Variants in AIFM2 observed in about 807,000 individuals in gnomAD.
The protein encoded by AIFM2 is ferroptosis suppressor protein 1.
AIFM2 carries 38 observed loss-of-function variants against 35.7 expected under a neutral mutation model. The observed-to-expected ratio is 1.06, with a 90% CI of 0.82 to 1.39. The LOEUF (loss-of-function observed/expected upper bound fraction) is 1.39, where lower values mean the gene tolerates loss of function less well. Among genes scored for constraint, AIFM2 ranks in the 40% most tolerant of loss-of-function variants. AIFM2 has a pLI of 0.00. For synonymous variants in AIFM2, 185 were observed against 203.5 expected (o/e 0.91, Z 0.77); for missense variants, 476 against 491.2 (o/e 0.97, Z 0.29).
chr10:70,129,704 A>AT (rs1408233119), intron 1 of AIFM2, among the ~76,000 whole-genome samples: 1 of 152,058 alleles, frequency 6.6e-6, no homozygotes, highest in South Asian at 2.1e-4. Context: ...TATTGTTTGA[A>AT]TTTTTTTCAA....
rs1005562268 is a variant in AIFM2 at position 70,131,461 on chromosome 10, G to T, written c.-14+1273C>A. On this transcript the variant is annotated intron_variant, in intron 1 of 8. Coordinates refer to ENST00000307864, the MANE Select transcript of AIFM2 (RefSeq NM_032797.6). This position sits in a 1 kb window ranked among gnomAD's most constrained non-coding sequence, Gnocchi z 4.1. ...CCCCAAAAGACCAGTTTCTGAAAAG[G>T]GACTCAAAGTCTAAGGGAGGCAGCC... Among the ~76,000 whole-genome samples, 1 of 152,174 alleles carries T rather than the reference G, an allele frequency of 6.6e-6. No individual in the cohort carries two copies. The highest frequency in any genetic ancestry group is 2.4e-5 in the African/African-American group (1 of 41,432).
chr10:70,115,226 C>G, intron 7 of AIFM2, 106 bp from the exon 8 acceptor site: 1 of 1,243,578 alleles, frequency 8.0e-7, no homozygotes, highest in Non-Finnish European at 1.1e-6. Context: ...AGGTGCTGGT[C>G]AGGTCACCCT....
chr10:70,124,152 G>A lies in AIFM2; in HGVS notation c.-13-55C>T, dbSNP rs367755338. ...GAGTCAGGGAGGCTGGGAGGGCTGG[G>A]AGGACCCACAGTGAGAGAGGCCTCG... On this transcript the variant is annotated intron_variant, in intron 1 of 8. Coordinates refer to ENST00000307864, the MANE Select transcript of AIFM2 (RefSeq NM_032797.6). 35 of 1,329,728 alleles carry A rather than the reference G, an allele frequency of 2.6e-5. 1 individual carries two copies. In the South Asian group the frequency reaches 5.7e-4, roughly 22 times the overall value. 82.4% of individuals were successfully genotyped at this position (1,329,728 alleles called of 1,614,324 possible).
chr10:70,120,642 C>T, intron 4 of AIFM2, 43 bp from the exon 5 acceptor site: 1 of 1,600,168 alleles, frequency 6.2e-7, no homozygotes, highest in Non-Finnish European at 8.6e-7. Context: ...TGAAACACAC[C>T]TACACATCCA....
At chr10:70,118,053 G>T in intron 5 of AIFM2, 133 bp from the exon 6 acceptor site, 1 of 666,918 alleles carries the variant, frequency 1.5e-6, no homozygotes, top group Non-Finnish European at 2.6e-6. Flanking sequence ...GAAGTAATCT[G>T]TCCAATGCCA....
Position 70,114,161 on chromosome 10 carries a change from C to G in AIFM2, c.*17G>C. 1.2e-6 allele frequency: 2 copies of G among 1,603,580 alleles called. No individual in the cohort carries two copies. Among genetic ancestry groups the G allele is most frequent in the Non-Finnish European group, 1.7e-6 (2 of 1,174,754 alleles). On this transcript the variant is annotated 3_prime_UTR_variant, in exon 9 of 9. Coordinates refer to ENST00000307864, the MANE Select transcript of AIFM2 (RefSeq NM_032797.6). ...TACGCCCACCTGCTGCGGTAGTTCTCCCGCCTGGCCTCTCCATCAAGGTGG... is the reference window on the plus strand; with the variant it reads ...TACGCCCACCTGCTGCGGTAGTTCTGCCGCCTGGCCTCTCCATCAAGGTGG...
At position 70,113,526 on chromosome 10, in the gene AIFM2, AAAAT is replaced by A. The variant is rs771238380; in HGVS notation, c.*648_*651del. On this transcript the variant is annotated 3_prime_UTR_variant, in exon 9 of 9. Transcript: ENST00000307864. ...TGGGTGACAGGGCGAGACTGTCTCAAAAATAAATAAACAAACAAACAAATAAAGT... is the reference window on the plus strand; with the variant it reads ...TGGGTGACAGGGCGAGACTGTCTCAAAAATAAACAAACAAACAAATAAAGT... The A allele has an allele frequency of 1.3e-5, 2 of 152,338 alleles. No homozygotes were observed. Among genetic ancestry groups the A allele is most frequent in the East Asian group, 1.9e-4 (1 of 5,204 alleles). 9.4% of individuals were successfully genotyped at this position (152,338 alleles called of 1,614,324 possible).
chr10:70,121,187 G>C lies in AIFM2; in HGVS notation c.319C>G (p.Leu107Val). ...GEALPFSHLI[L>V]ATGSTGPFPG... is the part of the protein sequence containing the mutation. Reference sequence around the variant, plus strand: ...AAGGGCCCAGTGCTGCCCGTGGCCAGGATAAGATGAGAGAAGGGCAGGGCC... The same window carrying C: ...AAGGGCCCAGTGCTGCCCGTGGCCACGATAAGATGAGAGAAGGGCAGGGCC... Residue 107 changes from leucine (L) to valine (V), a missense_variant, in exon 4 of 9, where the codon CTG becomes GTG. Leu to Val is a conservative substitution (Grantham distance 32). Coordinates refer to ENST00000307864, the MANE Select transcript of AIFM2 (RefSeq NM_032797.6). The C allele has an allele frequency of 7.3e-7, 1 of 1,370,958 alleles. No homozygotes were observed. 84.9% of individuals were successfully genotyped at this position (1,370,958 alleles called of 1,614,324 possible). A position where few individuals can be genotyped will look rare whatever the true frequency, so the allele number is the denominator to read the frequency against.
At position 70,114,129 on chromosome 10, in the gene AIFM2, C is replaced by T. The variant is rs780920504; in HGVS notation, c.*49G>A. 3 of 1,569,068 alleles carry T rather than the reference C, an allele frequency of 1.9e-6. No individual in the cohort carries two copies. The highest frequency in any genetic ancestry group is 3.9e-5 in the Admixed American group (2 of 51,054). On this transcript the variant is annotated 3_prime_UTR_variant, in exon 9 of 9. Transcript: ENST00000307864. ...TGCCAGGCGGGTGCCATGCGCCAAGCAGTCCGTACGCCCACCTGCTGCGGT... is the reference window on the plus strand; with the variant it reads ...TGCCAGGCGGGTGCCATGCGCCAAGTAGTCCGTACGCCCACCTGCTGCGGT...
rs746700809 is a variant in AIFM2 at position 70,116,781 on chromosome 10, G to T, written c.617-7C>A. The T allele has an allele frequency of 2.5e-6, 4 of 1,613,586 alleles. No individual in the cohort carries two copies. The East Asian group carries it at 6.7e-5, about 27-fold the overall frequency. ...AGATTGCTCACCCGCTCACCTAGAA[G>T]GGGGTTCATGACCAGGAGGCTGGTG... On this transcript the variant is annotated splice_polypyrimidine_tract_variant and splice_region_variant and intron_variant, in intron 6 of 8. Coordinates refer to ENST00000307864, the MANE Select transcript of AIFM2 (RefSeq NM_032797.6).
chr10:70,112,822 TAGTC>T lies in AIFM2; in HGVS notation c.*1352_*1355del, dbSNP rs536951490. The T allele has an allele frequency of 1.8e-4, 28 of 152,368 alleles. No homozygotes were observed. The highest frequency in any genetic ancestry group is 6.5e-4 in the African/African-American group (27 of 41,576). The allele number at this position is 152,368 out of a possible 1,614,324, so 9.4% of individuals were successfully genotyped here. A position where few individuals can be genotyped will look rare whatever the true frequency, so the allele number is the denominator to read the frequency against. ...GAGGAATCATTTATACACTGTAACA[TAGTC>T]GGTGGCAGACATTAGTGCCCAGCTG... On this transcript the variant is annotated 3_prime_UTR_variant, in exon 9 of 9. Coordinates refer to ENST00000307864, the MANE Select transcript of AIFM2 (RefSeq NM_032797.6).
At position 70,117,867 on chromosome 10, in the gene AIFM2, G is replaced by A. The variant is rs143541825; in HGVS notation, c.561C>T (p.Ser187=). Residue 187 remains serine, a synonymous_variant, in exon 6 of 9, where the codon TCC becomes TCT. Coordinates refer to ENST00000307864, the MANE Select transcript of AIFM2 (RefSeq NM_032797.6). The surrounding 1 kb of genome is among the most constrained non-coding windows in gnomAD (Gnocchi z 4.7). ...GGATCTCCTTCACTTCCTGCCGGACGGAGGGCAGGAGCTCCTTGTCAGCCA... is the reference window on the plus strand; with the variant it reads ...GGATCTCCTTCACTTCCTGCCGGACAGAGGGCAGGAGCTCCTTGTCAGCCA... The part of the protein sequence containing the change: ...VALADKELLP[S]VRQEVKEILL... 3.6e-5 allele frequency: 57 copies of A among 1,604,806 alleles called. No homozygotes were observed. The highest frequency in any genetic ancestry group is 4.1e-5 in the Non-Finnish European group (48 of 1,176,742).
intron 5 of AIFM2, among the ~76,000 whole-genome samples, chr10:70,119,145 C>A (rs960587257): frequency 6.6e-6 from 1 of 152,190 alleles, no homozygotes; most frequent in Non-Finnish European, 1.5e-5. Flanking sequence ...GGACAGAAGC[C>A]CCTGTGCTCA....
Position 70,116,660 on chromosome 10 carries a change from C to T in AIFM2, c.731G>A (p.Gly244Asp), listed in dbSNP as rs866195739. 6.2e-7 allele frequency: 1 copy of T among 1,614,098 alleles called. No individual in the cohort carries two copies. The highest frequency in any genetic ancestry group is 8.5e-7 in the Non-Finnish European group (1 of 1,180,032). The change falls in exon 7 of 9, where the codon GGC becomes GAC. Residue 244 changes from glycine (G) to aspartate (D), a missense_variant. Transcript: ENST00000307864. ...VATNLVILCTGIKINSSAYRK... is the reference protein window; with the variant it reads ...VATNLVILCTDIKINSSAYRK... ...GTAGGCGGAGCTGTTGATCTTGATGCCGGTGCAGAGAATCACCAGGTTGGT... is the reference window on the plus strand; with the variant it reads ...GTAGGCGGAGCTGTTGATCTTGATGTCGGTGCAGAGAATCACCAGGTTGGT...
chr10:70,120,560 A>G lies in AIFM2; in HGVS notation c.454T>C (p.Ser152Pro), dbSNP rs1275732801. The change falls in exon 5 of 9, where the codon TCG becomes CCG. Residue 152 changes from serine to proline, a missense_variant. Transcript: ENST00000307864. ...TCTGCTGCCATCTCCACTCCAGCCGAGCCTCCTCCCACCACCACGATGAAC... is the reference window on the plus strand; with the variant it reads ...TCTGCTGCCATCTCCACTCCAGCCGGGCCTCCTCCCACCACCACGATGAAC... ...SRFIVVVGGG[S>P]AGVEMAAEIK... 1 of 1,614,122 alleles carries G rather than the reference A, an allele frequency of 6.2e-7. No homozygotes were observed.
At chr10:70,125,029 G>A (rs998756277) in intron 1 of AIFM2, among the ~76,000 whole-genome samples, 1 of 152,170 alleles carries the variant, frequency 6.6e-6, no homozygotes, top group Non-Finnish European at 1.5e-5. Context: ...GCAAGTTCAA[G>A]CTCTTCCTCT....
intron 1 of AIFM2, among the ~76,000 whole-genome samples, chr10:70,128,212 T>C (rs2072589374): frequency 6.6e-6 from 1 of 152,230 alleles, no homozygotes. Flanking sequence ...TGTTCTAACA[T>C]AGCAGTAGTG....
In AIFM2 at chr10:70,117,472, G is replaced by A. The variant is rs1173196422; in HGVS notation, c.616+340C>T. On this transcript the variant is annotated intron_variant, in intron 6 of 8. Transcript: ENST00000307864. This position sits in a 1 kb window ranked among gnomAD's most constrained non-coding sequence, Gnocchi z 4.7. The stretch of plus-strand genomic sequence containing the variant: ...TCAACCACAGAGACATCCTATTTGG[G>A]GCAAATCCTTCAGATGCACTCAAGA... Among the ~76,000 whole-genome samples, 1 of 152,032 alleles carries A rather than the reference G, an allele frequency of 6.6e-6. No homozygotes were observed. Among genetic ancestry groups the A allele is most frequent in the Non-Finnish European group, 1.5e-5 (1 of 68,018 alleles).
chr10:70,114,523 G>A (rs937951087), intron 8 of AIFM2, among the ~76,000 whole-genome samples, 194 bp from the exon 9 acceptor site: 3 of 152,076 alleles, frequency 2.0e-5, no homozygotes, highest in Non-Finnish European at 4.4e-5. Context: ...TGCCCAGGCT[G>A]GAGTGCAATG....
Sources: allele counts gnomAD v4.1 joint callset (sites outside exome capture counted in the v4.1 genomes callset), GRCh38; gene constraint gnomAD v4.1.1; non-coding constraint Gnocchi (gnomAD v3.1); transcripts MANE v1.5; gene names NCBI Gene and HGNC (gene_info 2026-07-23, HGNC 2026-07-21).